AGBL2: variants seen among roughly 807,000 people sequenced by gnomAD.
AGBL2 encodes AGBL carboxypeptidase 2.
A neutral mutation model predicts 103.0 loss-of-function variants in AGBL2; 87 were observed. That is an observed-to-expected ratio of 0.84 (90% CI 0.71 to 1.01). The LOEUF is 1.01. Ranked by LOEUF, AGBL2 falls within the 50% of genes least tolerant of loss-of-function variation. The pLI is 0.00. For synonymous variants in AGBL2, 335 were observed against 356.7 expected, an observed-to-expected ratio of 0.94 and a Z score of 0.69; for missense variants, 904 against 1,023.5, an observed-to-expected ratio of 0.88 and a Z score of 1.59.
At chr11:47,684,303 C>T (rs1211712113) in intron 11 of AGBL2, among the ~76,000 whole-genome samples, 1 of 151,762 alleles carries the variant, frequency 6.6e-6, no homozygotes, top group East Asian at 1.9e-4. Flanking sequence ...TATGGTGGCT[C>T]ACACCTATAA....
Position 47,691,729 on chromosome 11 carries a change from A to AAAAAAATATATATAT in AGBL2, c.848+373_848+374insATATATATATTTTTT. Among the ~76,000 whole-genome samples the AAAAAAATATATATAT allele has an allele frequency of 2.5e-3, 12 of 4,856 alleles. 2 individuals are homozygous for AAAAAAATATATATAT. The highest frequency in any genetic ancestry group is 4.4e-3 in the Non-Finnish European group (12 of 2,742). The allele number at this position is 4,856 out of a possible 152,430, so 3.2% of individuals were successfully genotyped here. ...TCTCAAGAAAAAAAAAAAAAAAAAA[A>AAAAAAATATATATAT]ATATATATATATATATATATATATA... On this transcript the variant is annotated intron_variant, in intron 9 of 18. Transcript: ENST00000525123.
chr11:47,681,850 A>G, intron 12 of AGBL2, 119 bp downstream of exon 12: 1 of 1,265,862 alleles, frequency 7.9e-7, no homozygotes, highest in Non-Finnish European at 1.1e-6. Context: ...GCATAAGTCT[A>G]GACAAAGAAA....
chr11:47,683,058 AAAAAG>A (rs1051234746), intron 11 of AGBL2, among the ~76,000 whole-genome samples: 7 of 152,124 alleles, frequency 4.6e-5, no homozygotes, highest in Non-Finnish European at 8.8e-5. Context: ...AAAGAAAAGA[AAAAAG>A]AGAAGAGAAG....
In AGBL2 at chr11:47,671,864, C is replaced by A. The variant is rs1341248137; in HGVS notation, c.2148-2957G>T. ...CAGTATGTCCCAGAAAGTGTCAAAA[C>A]CTTTGTGTGTACACACACAGAGCAA... On this transcript the variant is annotated intron_variant, in intron 14 of 18. Transcript: ENST00000525123. Among the ~76,000 whole-genome samples, 4 of 152,158 alleles carry A rather than the reference C, an allele frequency of 2.6e-5. No homozygotes were observed. In the East Asian group the frequency reaches 7.7e-4, roughly 29 times the overall value.
chr11:47,685,764 T>A (rs2097421148), intron 11 of AGBL2, 129 bp downstream of exon 11: 4 of 1,017,748 alleles, frequency 3.9e-6, no homozygotes, highest in Non-Finnish European at 5.7e-6. Flanking sequence ...ATTCTTGAAG[T>A]CTAGGTTGCT....
In AGBL2 at chr11:47,702,806, G is replaced by A. The variant is rs370080511; in HGVS notation, c.586+1737C>T. Among the ~76,000 whole-genome samples, 25 of 152,128 alleles carry A rather than the reference G, an allele frequency of 1.6e-4. No homozygotes were observed. In the East Asian group the frequency reaches 1.7e-3, roughly 11 times the overall value. The stretch of plus-strand genomic sequence containing the variant: ...GGAGAATCGCTTGAACCCGGGAGGC[G>A]GAGGTTGCAGTGAGCCGAGATGGAG... On this transcript the variant is annotated intron_variant, in intron 7 of 18. Transcript: ENST00000525123.
intron 13 of AGBL2, among the ~76,000 whole-genome samples, chr11:47,678,105 A>G (rs1428178906): frequency 6.6e-6 from 1 of 151,648 alleles, no homozygotes; most frequent in East Asian, 1.9e-4. Context: ...CTGGGACTAC[A>G]GGCGCACACC....
intron 14 of AGBL2, among the ~76,000 whole-genome samples, chr11:47,676,685 T>C (rs947241155): frequency 6.6e-6 from 1 of 151,796 alleles, no homozygotes; most frequent in Non-Finnish European, 1.5e-5. Flanking sequence ...CGGGCGTTGT[T>C]GCAGGCGCCT....
At chr11:47,686,445 TG>T (rs1242923374) in intron 10 of AGBL2, among the ~76,000 whole-genome samples, 164 of 135,388 alleles carry the variant, frequency 1.2e-3, no homozygotes, top group Middle Eastern at 7.8e-3. Context: ...TTTTTGTTTC[TG>T]GTTTTTTTTT....
chr11:47,671,200 A>G (rs1409081534), intron 14 of AGBL2, among the ~76,000 whole-genome samples: 1 of 151,994 alleles, frequency 6.6e-6, no homozygotes, highest in Admixed American at 6.6e-5. Context: ...GTTCTCTATG[A>G]CAGGGGTCTA....
chr11:47,674,835 A>G (rs2097369244), intron 14 of AGBL2, among the ~76,000 whole-genome samples: 1 of 151,908 alleles, frequency 6.6e-6, no homozygotes, highest in Non-Finnish European at 1.5e-5. Context: ...TCCGGGTTCC[A>G]GTGATTATCC....
intron 14 of AGBL2, among the ~76,000 whole-genome samples, chr11:47,673,917 T>C (rs1214409748): frequency 6.8e-6 from 1 of 147,854 alleles, no homozygotes; most frequent in African/African-American, 2.5e-5. Context: ...CTGGCCAACA[T>C]GGTGAAACCG....
At position 47,659,893 on chromosome 11, in the gene AGBL2, T is replaced by C; in HGVS notation, c.*280A>G. 1 of 298,154 alleles carries C rather than the reference T, an allele frequency of 3.4e-6. No individual in the cohort carries two copies. The highest frequency in any genetic ancestry group is 6.1e-6 in the Non-Finnish European group (1 of 163,090). 18.5% of individuals were successfully genotyped at this position (298,154 alleles called of 1,614,324 possible). A position where few individuals can be genotyped will look rare whatever the true frequency, so the allele number is the denominator to read the frequency against. The stretch of plus-strand genomic sequence containing the variant: ...TGGTTAAAATGAGGTATATCTGTGC[T>C]GCCATGAAGTGTGCCATGAGAACAC... On this transcript the variant is annotated 3_prime_UTR_variant, in exon 19 of 19. Coordinates refer to ENST00000525123, the MANE Select transcript of AGBL2 (RefSeq NM_024783.4).
intron 10 of AGBL2, among the ~76,000 whole-genome samples, chr11:47,689,426 T>C (rs964153045): frequency 1.3e-5 from 2 of 151,224 alleles, no homozygotes; most frequent in African/African-American, 4.9e-5. Context: ...TGCCTCAGCC[T>C]CTTCAGTAGC....
chr11:47,691,218 C>A (rs1324893019), intron 9 of AGBL2, among the ~76,000 whole-genome samples: 1 of 151,696 alleles, frequency 6.6e-6, no homozygotes, highest in South Asian at 2.1e-4. Context: ...GAGCTGAGAT[C>A]GTGCCATTGC....
chr11:47,695,696 G>A (rs990981339), intron 8 of AGBL2, among the ~76,000 whole-genome samples: 4 of 146,460 alleles, frequency 2.7e-5, no homozygotes, highest in African/African-American at 1.0e-4. Flanking sequence ...ATTCACTTGA[G>A]CCTATAAGGT....
At chr11:47,702,828 G>A (rs1208467448) in intron 7 of AGBL2, among the ~76,000 whole-genome samples, 3 of 151,870 alleles carry the variant, frequency 2.0e-5, no homozygotes, top group East Asian at 1.9e-4. Context: ...GAGCCGAGAT[G>A]GAGCCATTGC....
At chr11:47,682,309 A>G (rs905632159) in intron 11 of AGBL2, among the ~76,000 whole-genome samples, 35 of 152,164 alleles carry the variant, frequency 2.3e-4, no homozygotes, top group Non-Finnish European at 5.1e-4. Context: ...AAGGGTTAAC[A>G]AAACTAAACA....
chr11:47,689,964 G>A, intron 10 of AGBL2, 112 bp downstream of exon 10: 1 of 951,298 alleles, frequency 1.1e-6, no homozygotes, highest in South Asian at 1.8e-5. Context: ...TGTCTCCAAA[G>A]TCATACTCAA....
Sources: allele counts gnomAD v4.1 joint callset (sites outside exome capture counted in the v4.1 genomes callset), GRCh38; gene constraint gnomAD v4.1.1; transcripts MANE v1.5; gene names NCBI Gene and HGNC (gene_info 2026-07-23, HGNC 2026-07-21).